The following ZSWIM6 variants were observed in gnomAD, a reference collection of about 807,000 sequenced individuals.
The protein encoded by ZSWIM6 is zinc finger SWIM domain-containing protein 6.
ZSWIM6 carries 9 observed loss-of-function variants against 113.2 expected under a neutral mutation model. The observed-to-expected ratio is 0.08, with a 90% confidence interval of 0.05 to 0.14. ZSWIM6 has a LOEUF of 0.14. Among genes scored for constraint, ZSWIM6 ranks in the 10% least tolerant of loss-of-function variants. ZSWIM6 has a pLI of 1.00. For missense variants in ZSWIM6, 1,162 were observed against 1,552.2 expected (o/e 0.75, Z 4.22); for synonymous variants, 611 against 606.5 (o/e 1.01, Z -0.11).
chr5:61,507,910 A>AT (rs1561269757), intron 4 of ZSWIM6, among the ~76,000 whole-genome samples: 2 of 152,102 alleles, frequency 1.3e-5, no homozygotes, highest in East Asian at 3.8e-4. Flanking sequence ...ATAACTATAC[A>AT]TACAAATTCC....
At chr5:61,497,496 T>G (rs1748355014) in intron 4 of ZSWIM6, among the ~76,000 whole-genome samples, 1 of 152,206 alleles carries the variant, frequency 6.6e-6, no homozygotes, top group Non-Finnish European at 1.5e-5. Flanking sequence ...TATAAGTGCC[T>G]ATGACATTCA....
intron 5 of ZSWIM6, among the ~76,000 whole-genome samples, chr5:61,522,027 C>T (rs1749140036): frequency 6.6e-6 from 1 of 151,928 alleles, no homozygotes; most frequent in Non-Finnish European, 1.5e-5. Flanking sequence ...TTTGGGACAA[C>T]CAAGAAATGC....
intron 1 of ZSWIM6, among the ~76,000 whole-genome samples, chr5:61,444,092 C>G (rs1456421468): frequency 3.0e-5 from 3 of 99,156 alleles, no homozygotes; most frequent in African/African-American, 1.2e-4. Context: ...TGCTATCCCT[C>G]CCCCCTCCCC....
chr5:61,390,924 GC>G, intron 1 of ZSWIM6: 2 of 827,722 alleles, frequency 2.4e-6, no homozygotes, highest in Non-Finnish European at 2.1e-6. Context: ...GTGGACAAAG[GC>G]CCCCAGAGGG....
intron 4 of ZSWIM6, among the ~76,000 whole-genome samples, chr5:61,506,236 GTGAAT>G (rs1325141034): frequency 6.6e-6 from 1 of 152,086 alleles, no homozygotes; most frequent in East Asian, 1.9e-4. Context: ...AAATGTTTTA[GTGAAT>G]TAAAAACTGG....
At chr5:61,526,199 T>TA (rs1749278170) in intron 6 of ZSWIM6, 51 bp from the exon 7 acceptor site, 4 of 1,501,052 alleles carry the variant, frequency 2.7e-6, no homozygotes, top group Non-Finnish European at 3.6e-6. Flanking sequence ...ATTCTTTTTT[T>TA]ATGGATATAT....
At chr5:61,336,664 A>G (rs1269405956) in intron 1 of ZSWIM6, among the ~76,000 whole-genome samples, 1 of 152,124 alleles carries the variant, frequency 6.6e-6, no homozygotes, top group Non-Finnish European at 1.5e-5. Context: ...CTGAGGCAGA[A>G]GAATGGCTTG....
chr5:61,514,066 A>G (rs779406065), intron 4 of ZSWIM6, among the ~76,000 whole-genome samples: 1 of 152,106 alleles, frequency 6.6e-6, no homozygotes, highest in Non-Finnish European at 1.5e-5. Context: ...CAATCCATGA[A>G]CATGGTAACC....
At chr5:61,380,188 G>A (rs1745446581) in intron 1 of ZSWIM6, among the ~76,000 whole-genome samples, 1 of 152,026 alleles carries the variant, frequency 6.6e-6, no homozygotes, top group Non-Finnish European at 1.5e-5. Context: ...TGATTCTCTT[G>A]CCTCAGCATC....
At chr5:61,486,160 A>C (rs1429851373) in intron 2 of ZSWIM6, among the ~76,000 whole-genome samples, 1 of 152,054 alleles carries the variant, frequency 6.6e-6, no homozygotes, top group Non-Finnish European at 1.5e-5. Flanking sequence ...CACACACTCC[A>C]TGCCCTTCTG....
intron 4 of ZSWIM6, among the ~76,000 whole-genome samples, chr5:61,515,821 CTGTATTTTGAAGTCTTAT>C (rs1306494117): frequency 6.6e-6 from 1 of 152,008 alleles, no homozygotes; most frequent in Non-Finnish European, 1.5e-5. Flanking sequence ...GTTTTGCTTC[CTGTATTTTGAAGTCTTAT>C]TGTGAGGTGC....
chr5:61,380,313 T>C (rs1015003304), intron 1 of ZSWIM6, among the ~76,000 whole-genome samples: 1 of 152,152 alleles, frequency 6.6e-6, no homozygotes, highest in Non-Finnish European at 1.5e-5. Context: ...TGACCTCAGG[T>C]GATCCGCCTG....
intron 2 of ZSWIM6, among the ~76,000 whole-genome samples, chr5:61,487,673 A>T (rs7443602): frequency 0.38 from 57,159 of 151,654 alleles, 10,908 homozygotes; most frequent in South Asian, 0.43. Context: ...AGGATTTGGT[A>T]CTTAGGTAGA....
At chr5:61,381,258 A>T (rs1000109521) in intron 1 of ZSWIM6, among the ~76,000 whole-genome samples, 3 of 152,078 alleles carry the variant, frequency 2.0e-5, no homozygotes, top group Non-Finnish European at 4.4e-5. Context: ...TGTCTCAAAC[A>T]AAACAAAATA....
At chr5:61,448,896 G>A (rs1267357160) in intron 1 of ZSWIM6, among the ~76,000 whole-genome samples, 1 of 152,164 alleles carries the variant, frequency 6.6e-6, no homozygotes, top group Non-Finnish European at 1.5e-5. Flanking sequence ...GAGAGTAATA[G>A]GTATATGTAG....
In ZSWIM6 at chr5:61,349,127, TA is replaced by T. The variant is rs1024498623; in HGVS notation, c.676+16180del. Among the ~76,000 whole-genome samples the T allele has an allele frequency of 7.7e-4, 118 of 152,328 alleles. 1 individual carries two copies. Among genetic ancestry groups the T allele is most frequent in the African/African-American group, 2.6e-3 (107 of 41,570 alleles). On this transcript the variant is annotated intron_variant, in intron 1 of 13. Coordinates refer to ENST00000252744, the MANE Select transcript of ZSWIM6 (RefSeq NM_020928.2). ...AGTGCTAACAGATGTAAAAATACTC[TA>T]CCATACACTGTTATGGAGTAGTCAT...
Position 61,520,190 on chromosome 5 carries a change from CAT to C in ZSWIM6, c.1334-1071_1334-1070del, listed in dbSNP as rs553383476. ...CGCCCTATCTTTTGGATAAATAAAA[CAT>C]AAACAGTTTTCATTCCTACCATTAT... On this transcript the variant is annotated intron_variant, in intron 4 of 13. Coordinates refer to ENST00000252744, the MANE Select transcript of ZSWIM6 (RefSeq NM_020928.2). Among the ~76,000 whole-genome samples the C allele has an allele frequency of 5.5e-4, 84 of 152,274 alleles. 2 individuals carry two copies. The highest frequency in any genetic ancestry group is 4.8e-3 in the Admixed American group (73 of 15,302).
Position 61,430,557 on chromosome 5 carries a change from T to C in ZSWIM6, c.677-42124T>C, listed in dbSNP as rs1746557863. 2.0e-5 allele frequency among the ~76,000 whole-genome samples: 3 copies of C among 152,302 alleles called. No homozygotes were observed. The South Asian group carries it at 6.2e-4, about 32-fold the overall frequency. ...CACAAGTTTGAACTGTGTGAGTCTATGTATACGCAGATTTTTTTTTCCAAC... is the reference window on the plus strand; with the variant it reads ...CACAAGTTTGAACTGTGTGAGTCTACGTATACGCAGATTTTTTTTTCCAAC... On this transcript the variant is annotated intron_variant, in intron 1 of 13. Coordinates refer to ENST00000252744, the MANE Select transcript of ZSWIM6 (RefSeq NM_020928.2).
At chr5:61,337,275 T>TCC in intron 1 of ZSWIM6, among the ~76,000 whole-genome samples, 1 of 131,886 alleles carries the variant, frequency 7.6e-6, no homozygotes, top group African/African-American at 3.0e-5. Flanking sequence ...CGAGATTCCG[T>TCC]CTCCCCCCCC....
Sources: allele counts gnomAD v4.1 joint callset (sites outside exome capture counted in the v4.1 genomes callset), GRCh38; gene constraint gnomAD v4.1.1; transcripts MANE v1.5; gene names NCBI Gene and HGNC (gene_info 2026-07-23, HGNC 2026-07-21).